Variants in OSBPL3 observed in about 807,000 individuals in gnomAD.
OSBPL3 encodes the protein oxysterol-binding protein-related protein 3.
Under a neutral mutation model 120.1 loss-of-function variants are expected in OSBPL3, and 65 were observed. The observed-to-expected ratio is 0.54, with a 90% CI of 0.44 to 0.67. OSBPL3 has a LOEUF of 0.67. Ranked by LOEUF, OSBPL3 falls within the 30% of genes least tolerant of loss-of-function variation. OSBPL3 has a pLI of 0.00. For synonymous variants in OSBPL3, 416 were observed against 402.6 expected (o/e 1.03, Z -0.40); for missense variants, 1,004 against 1,082.1 (o/e 0.93, Z 1.01).
At chr7:24,961,692 T>A (rs1815758146) in intron 1 of OSBPL3, among the ~76,000 whole-genome samples, 1 of 152,210 alleles carries the variant, frequency 6.6e-6, no homozygotes, top group African/African-American at 2.4e-5. Flanking sequence ...AAATTTCTAT[T>A]GTTCATAAAC....
Position 24,922,367 on chromosome 7 carries a change from G to A in OSBPL3, c.-149-29746C>T, listed in dbSNP as rs10241945. On this transcript the variant is annotated intron_variant, in intron 1 of 22. Transcript: ENST00000313367. The surrounding 1 kb of genome is among the most constrained non-coding windows in gnomAD (Gnocchi z 4.3). ...TGACCTTGAGCAAATCTGCTTCCTT[G>A]TGCCTTGATATTCTCAACCAGGGAA... is the stretch of plus-strand genomic sequence containing the variant. 0.23 allele frequency among the ~76,000 whole-genome samples: 34,806 copies of A among 152,042 alleles called. 4,373 individuals carry two copies. The highest frequency in any genetic ancestry group is 0.35 in the East Asian group (1,834 of 5,168).
intron 15 of OSBPL3, among the ~76,000 whole-genome samples, chr7:24,832,513 GAAA>G (rs1192440659): frequency 9.6e-6 from 1 of 103,922 alleles, no homozygotes; most frequent in Non-Finnish European, 2.0e-5. Context: ...CTGCCTCAAA[GAAA>G]AAAAAAAAAA....
chr7:24,917,080 C>T (rs577714851), intron 1 of OSBPL3, among the ~76,000 whole-genome samples: 2 of 152,040 alleles, frequency 1.3e-5, no homozygotes, highest in Admixed American at 1.3e-4. Flanking sequence ...ATTTGCTCTA[C>T]CACAGAACTC....
At chr7:24,929,690 T>C (rs1028405963) in intron 1 of OSBPL3, among the ~76,000 whole-genome samples, 3 of 152,206 alleles carry the variant, frequency 2.0e-5, no homozygotes, top group African/African-American at 7.2e-5. Flanking sequence ...CAAGCTAATT[T>C]GCCAAATCAT....
In OSBPL3 at chr7:24,873,374, A is replaced by G. The variant is rs1164521378; in HGVS notation, c.97-1305T>C. Among the ~76,000 whole-genome samples the G allele has an allele frequency of 6.6e-6, 1 of 152,232 alleles. No homozygotes were observed. The highest frequency in any genetic ancestry group is 1.9e-4 in the East Asian group (1 of 5,200). On this transcript the variant is annotated intron_variant, in intron 2 of 22. Transcript: ENST00000313367. The surrounding 1 kb of genome is among the most constrained non-coding windows in gnomAD (Gnocchi z 4.1). ...TTCAATACGTGGGACCCACCTGGTA[A>G]TGAGAACCCTTTCCTACGTTAGCAA...
intron 1 of OSBPL3, among the ~76,000 whole-genome samples, chr7:24,944,641 C>A (rs1042760443): frequency 6.7e-6 from 1 of 149,962 alleles, no homozygotes; most frequent in African/African-American, 2.4e-5. Context: ...AAAAAAATGC[C>A]ATGGTGATGT....
chr7:24,891,134 A>G lies in OSBPL3; in HGVS notation c.96+1243T>C, dbSNP rs4722400. The stretch of plus-strand genomic sequence containing the variant: ...CCTGTGGAAAGCTGACAAAGAGGAC[A>G]AGCACAGTGACCCTCATGAAAACAG... On this transcript the variant is annotated intron_variant, in intron 2 of 22. Coordinates refer to ENST00000313367, the MANE Select transcript of OSBPL3 (RefSeq NM_015550.4). This position sits in a 1 kb window ranked among gnomAD's most constrained non-coding sequence, Gnocchi z 4.1. Among the ~76,000 whole-genome samples, 24,840 of 152,166 alleles carry G rather than the reference A, an allele frequency of 0.16. 2,176 individuals carry two copies. The highest frequency in any genetic ancestry group is 0.34 in the East Asian group (1,739 of 5,168).
At chr7:24,847,903 G>A (rs1442016026) in intron 12 of OSBPL3, among the ~76,000 whole-genome samples, 1 of 152,184 alleles carries the variant, frequency 6.6e-6, no homozygotes, top group Non-Finnish European at 1.5e-5. Context: ...TGACAGTTTA[G>A]GTCTGGGCTA....
At position 24,968,685 on chromosome 7, in the gene OSBPL3, C is replaced by T. The variant is rs189093065; in HGVS notation, c.-150+11201G>A. Among the ~76,000 whole-genome samples the T allele has an allele frequency of 2.9e-4, 44 of 152,354 alleles. No homozygotes were observed. Among genetic ancestry groups the T allele is most frequent in the Non-Finnish European group, 5.0e-4 (34 of 68,040 alleles). ...GTGCTAGGATTACAGGTGTGAGCCA[C>T]GGCGCCAGCCTCAGCCCACCAATTT... On this transcript the variant is annotated intron_variant, in intron 1 of 22. Coordinates refer to ENST00000313367, the MANE Select transcript of OSBPL3 (RefSeq NM_015550.4). The surrounding 1 kb of genome is among the most constrained non-coding windows in gnomAD (Gnocchi z 4.6).
At chr7:24,905,216 T>G (rs1374805019) in intron 1 of OSBPL3, among the ~76,000 whole-genome samples, 1 of 151,906 alleles carries the variant, frequency 6.6e-6, no homozygotes, top group Non-Finnish European at 1.5e-5. Context: ...CCAGTTGTTT[T>G]CCATCTTTTT....
Position 24,947,176 on chromosome 7 carries a change from G to T in OSBPL3, c.-150+32710C>A, listed in dbSNP as rs1365544916. Reference sequence around the variant, plus strand: ...GTAAAACAACAGATGGAGGTTCTAAGATTCTAAGGTCCCTTCTAAGAAAGC... The same window carrying T: ...GTAAAACAACAGATGGAGGTTCTAATATTCTAAGGTCCCTTCTAAGAAAGC... On this transcript the variant is annotated intron_variant, in intron 1 of 22. Coordinates refer to ENST00000313367, the MANE Select transcript of OSBPL3 (RefSeq NM_015550.4). The surrounding 1 kb of genome is among the most constrained non-coding windows in gnomAD (Gnocchi z 4.4). 1.3e-5 allele frequency among the ~76,000 whole-genome samples: 2 copies of T among 152,160 alleles called. No homozygotes were observed. Among genetic ancestry groups the T allele is most frequent in the Non-Finnish European group, 2.9e-5 (2 of 68,022 alleles).
chr7:24,837,119 G>A (rs1341231319), intron 14 of OSBPL3, among the ~76,000 whole-genome samples: 2 of 152,208 alleles, frequency 1.3e-5, no homozygotes, highest in African/African-American at 4.8e-5. Context: ...ACAGGCGTGA[G>A]CCACCACGCC....
rs975075431 is a variant in OSBPL3 at position 24,894,285 on chromosome 7, T to C, written c.-149-1664A>G. On this transcript the variant is annotated intron_variant, in intron 1 of 22. Coordinates refer to ENST00000313367, the MANE Select transcript of OSBPL3 (RefSeq NM_015550.4). This position sits in a 1 kb window ranked among gnomAD's most constrained non-coding sequence, Gnocchi z 4.1. ...AATTCCCATGTTACTCTTAGGTAACTCCCCAAATCTCTTTATTCATTTAGT... is the reference window on the plus strand; with the variant it reads ...AATTCCCATGTTACTCTTAGGTAACCCCCCAAATCTCTTTATTCATTTAGT... Among the ~76,000 whole-genome samples, 3 of 152,164 alleles carry C rather than the reference T, an allele frequency of 2.0e-5. No individual in the cohort carries two copies. The highest frequency in any genetic ancestry group is 7.2e-5 in the African/African-American group (3 of 41,414).
In OSBPL3 at chr7:24,867,002, A is replaced by C. The variant is rs145457887; in HGVS notation, c.382-765T>G. On this transcript the variant is annotated intron_variant, in intron 5 of 22. Transcript: ENST00000313367. This position sits in a 1 kb window ranked among gnomAD's most constrained non-coding sequence, Gnocchi z 4.5. ...TCTTTAGTAGAGGCGGGGTTTCACC[A>C]TGTTGGCCAGGCTGGTCTCGAACTC... 0.024 allele frequency among the ~76,000 whole-genome samples: 3,669 copies of C among 152,170 alleles called. 90 individuals carry two copies. The highest frequency in any genetic ancestry group is 0.062 in the African/African-American group (2,562 of 41,514).
intron 1 of OSBPL3, chr7:24,906,099 T>A (rs147335858): frequency 3.2e-5 from 5 of 154,658 alleles, no homozygotes; most frequent in Non-Finnish European, 7.2e-5. Flanking sequence ...GAAACTAATA[T>A]AAAGAGGCCT....
At chr7:24,880,778 A>C (rs551324327) in intron 2 of OSBPL3, among the ~76,000 whole-genome samples, 1 of 152,274 alleles carries the variant, frequency 6.6e-6, no homozygotes, top group South Asian at 2.1e-4. Flanking sequence ...ATGAGCACAC[A>C]CCTTGTATGA....
intron 16 of OSBPL3, among the ~76,000 whole-genome samples, chr7:24,828,606 G>GGAAAAAAAAAAAAAA (rs1795976981): frequency 9.2e-5 from 3 of 32,522 alleles, no homozygotes; most frequent in Non-Finnish European, 1.6e-4. Context: ...GACTCTGTCT[G>GGAAAAAAAAAAAAAA]AAAAAAAAAA....
rs1306965467 is a variant in OSBPL3 at position 24,953,047 on chromosome 7, G to C, written c.-150+26839C>G. 2.0e-5 allele frequency among the ~76,000 whole-genome samples: 3 copies of C among 152,138 alleles called. No homozygotes were observed. Among genetic ancestry groups the C allele is most frequent in the Non-Finnish European group, 4.4e-5 (3 of 68,024 alleles). On this transcript the variant is annotated intron_variant, in intron 1 of 22. Transcript: ENST00000313367. This position sits in a 1 kb window ranked among gnomAD's most constrained non-coding sequence, Gnocchi z 4.3. Reference sequence around the variant, plus strand: ...ACCTACTTGAGAGACTAGGATAGGAGGGTCACTTGAGCCTAGGATTTCAAG... The same window carrying C: ...ACCTACTTGAGAGACTAGGATAGGACGGTCACTTGAGCCTAGGATTTCAAG...
intron 1 of OSBPL3, among the ~76,000 whole-genome samples, chr7:24,903,713 C>G (rs534250055): frequency 6.6e-6 from 1 of 152,100 alleles, no homozygotes; most frequent in Non-Finnish European, 1.5e-5. Context: ...ACCTGAATGC[C>G]GAGGGCTTTG....
Sources: allele counts gnomAD v4.1 joint callset (sites outside exome capture counted in the v4.1 genomes callset), GRCh38; gene constraint gnomAD v4.1.1; non-coding constraint Gnocchi (gnomAD v3.1); transcripts MANE v1.5; gene names NCBI Gene and HGNC (gene_info 2026-07-23, HGNC 2026-07-21).